The following RIMS3 variants were observed in gnomAD, a reference collection of about 807,000 sequenced individuals.
The protein encoded by RIMS3 is regulating synaptic membrane exocytosis protein 3.
RIMS3 carries 15 observed loss-of-function variants against 29.2 expected under a neutral mutation model. The ratio of observed to expected loss-of-function variants is 0.51; its 90% CI spans 0.34 to 0.79. RIMS3 has a LOEUF of 0.79. RIMS3 is among the 30% of genes least tolerant of loss of function. RIMS3 has a pLI of 0.01. For missense variants in RIMS3, 342 were observed against 421.4 expected, an observed-to-expected ratio of 0.81 and a Z score of 1.65; for synonymous variants, 161 against 170.1, an observed-to-expected ratio of 0.95 and a Z score of 0.41.
At chr1:40,666,594 T>G (rs1378187640), upstream of RIMS3, among the ~76,000 whole-genome samples, 1 of 152,196 alleles carries the variant, frequency 6.6e-6, no homozygotes, top group Admixed American at 6.5e-5. Flanking sequence ...ACTTGTATAT[T>G]TAACCTTGCT....
At chr1:40,682,643 T>A in the RIMS3 span, among the ~76,000 whole-genome samples, 1 of 152,036 alleles carries the variant, frequency 6.6e-6, no homozygotes, top group Non-Finnish European at 1.5e-5. Flanking sequence ...ATAGCTGGTT[T>A]GGATTTTAAA....
chr1:40,640,602 C>T (rs1361625894), intron 3 of RIMS3, among the ~76,000 whole-genome samples: 2 of 152,022 alleles, frequency 1.3e-5, no homozygotes, highest in African/African-American at 2.4e-5. Flanking sequence ...CAAAATAAGC[C>T]GGAAGAGATT....
At chr1:40,658,093 G>C (rs373194833) in intron 1 of RIMS3, among the ~76,000 whole-genome samples, 53 of 152,284 alleles carry the variant, frequency 3.5e-4, no homozygotes, top group Middle Eastern at 3.4e-3. Flanking sequence ...GGTCAAGAAT[G>C]AGTGACAGGG....
chr1:40,685,845 GAAAAA>G, the RIMS3 span, among the ~76,000 whole-genome samples: 1 of 141,008 alleles, frequency 7.1e-6, no homozygotes, highest in Non-Finnish European at 1.6e-5. Context: ...AACCTTTAAA[GAAAAA>G]AAAAAAAAGT....
chr1:40,634,011 C>T (rs1439764822), intron 4 of RIMS3, among the ~76,000 whole-genome samples: 1 of 152,130 alleles, frequency 6.6e-6, no homozygotes, highest in Admixed American at 6.5e-5. Context: ...CTGTTGTTAT[C>T]ATCAAGGGAA....
intron 3 of RIMS3, among the ~76,000 whole-genome samples, chr1:40,637,846 G>A (rs902810766): frequency 6.6e-6 from 1 of 152,268 alleles, no homozygotes; most frequent in Middle Eastern, 3.4e-3. Flanking sequence ...GCTGGTGTGT[G>A]GGGCCTCTCC....
chr1:40,669,630 G>T (rs1239117501), upstream of RIMS3: 3 of 152,388 alleles, frequency 2.0e-5, no homozygotes, highest in East Asian at 5.8e-4. Flanking sequence ...GAGTAGTGGG[G>T]TGGCACTTAC....
chr1:40,658,655 G>A (rs1642305335), intron 1 of RIMS3, among the ~76,000 whole-genome samples: 1 of 152,174 alleles, frequency 6.6e-6, no homozygotes, highest in African/African-American at 2.4e-5. Flanking sequence ...CTCTCCATGT[G>A]GCTGAAACCA....
rs1642409665 is a variant in RIMS3 at position 40,665,408 on chromosome 1, GGGGTCCAGACAGGGAGGGGGCCTC to G, written c.-245_-222del. ...TGCTGACTTACCCGGAGGTGGGGCC[GGGGTCCAGACAGGGAGGGGGCCTC>G]CACAGGCCGAGGCGGCTCCGCAAGG... On this transcript the variant is annotated 5_prime_UTR_variant, in exon 1 of 8. Coordinates refer to ENST00000372684, the MANE Select transcript of RIMS3 (RefSeq NM_014747.3). The G allele has an allele frequency of 6.6e-6, 1 of 152,410 alleles. No homozygotes were observed. The allele number at this position is 152,410 out of a possible 1,614,324, so 9.4% of individuals were successfully genotyped here. A position where few individuals can be genotyped will look rare whatever the true frequency, so the allele number is the denominator to read the frequency against.
At chr1:40,663,674 C>T (rs567974710) in intron 1 of RIMS3, among the ~76,000 whole-genome samples, 125 of 152,278 alleles carry the variant, frequency 8.2e-4, no homozygotes, top group Non-Finnish European at 1.4e-3. Flanking sequence ...GCAGTAAAAT[C>T]CAATTAAAGT....
At chr1:40,638,947 C>A (rs1443891454) in intron 3 of RIMS3, among the ~76,000 whole-genome samples, 2 of 152,168 alleles carry the variant, frequency 1.3e-5, no homozygotes, top group Admixed American at 6.5e-5. Context: ...CACTCTAGGG[C>A]AACAAGAGGA....
At chr1:40,643,035 A>G (rs929669038) in intron 2 of RIMS3, among the ~76,000 whole-genome samples, 2 of 152,186 alleles carry the variant, frequency 1.3e-5, no homozygotes, top group Admixed American at 1.3e-4. Context: ...ATTCCATTGT[A>G]TAGAAGTAGC....
At chr1:40,650,397 G>A (rs1401060907) in intron 1 of RIMS3, among the ~76,000 whole-genome samples, 2 of 152,184 alleles carry the variant, frequency 1.3e-5, no homozygotes, top group East Asian at 3.9e-4. Flanking sequence ...TCTCCTGCTT[G>A]ACAACCTCCC....
At chr1:40,660,090 C>T (rs1027759000) in intron 1 of RIMS3, among the ~76,000 whole-genome samples, 12 of 152,092 alleles carry the variant, frequency 7.9e-5, no homozygotes, top group Admixed American at 2.6e-4. Flanking sequence ...TGGTGGGCAG[C>T]GAGAGGGTCC....
At chr1:40,684,281 C>T in the RIMS3 span, among the ~76,000 whole-genome samples, 1 of 152,174 alleles carries the variant, frequency 6.6e-6, no homozygotes, top group Non-Finnish European at 1.5e-5. Flanking sequence ...ACTCTGTCTC[C>T]CTCTCTGTCT....
intron 4 of RIMS3, among the ~76,000 whole-genome samples, chr1:40,633,664 C>A (rs1320287589): frequency 6.6e-6 from 1 of 152,204 alleles, no homozygotes; most frequent in Non-Finnish European, 1.5e-5. Context: ...AACACAATTA[C>A]AGGGTTGAGG....
At chr1:40,639,553 C>A (rs963540190) in intron 3 of RIMS3, among the ~76,000 whole-genome samples, 2 of 148,224 alleles carry the variant, frequency 1.3e-5, no homozygotes, top group East Asian at 3.8e-4. Context: ...AGCTGGGTGC[C>A]TTTGCATACC....
rs77642398 is a variant in RIMS3, at chr1:40,662,349, C to T, written c.-207+3045G>A. 1.7e-3 allele frequency among the ~76,000 whole-genome samples: 254 copies of T among 152,222 alleles called. 4 individuals carry two copies. The East Asian group carries it at 0.044, about 27-fold the overall frequency. ...ACCCTTCATGACTCAGCTAAGATGT[C>T]GCCACCTCCAGGAACCTTTCCCAGA... On this transcript the variant is annotated intron_variant, in intron 1 of 7. Transcript: ENST00000372684.
rs770669469 is a variant in RIMS3, at chr1:40,629,340, C to T, written c.505G>A (p.Gly169Ser). 1 of 1,614,160 alleles carries T rather than the reference C, an allele frequency of 6.2e-7. No homozygotes were observed. The highest frequency in any genetic ancestry group is 1.1e-5 in the South Asian group (1 of 91,080). ...DVHIAIMDRS[G>S]QLEVEVIEAR... ...TCAATCACTTCCACCTCCAGCTGGC[C>T]ACTCCGGTCCATGATGGCAATGTGC... Residue 169 changes from glycine to serine, a missense_variant, in exon 6 of 8, where the codon GGC (glycine) becomes AGC (serine). By Grantham distance (56) the Gly-to-Ser change is moderately conservative. Coordinates refer to ENST00000372684, the MANE Select transcript of RIMS3 (RefSeq NM_014747.3).
Sources: allele counts gnomAD v4.1 joint callset (sites outside exome capture counted in the v4.1 genomes callset), GRCh38; gene constraint gnomAD v4.1.1; transcripts MANE v1.5; gene names NCBI Gene and HGNC (gene_info 2026-07-23, HGNC 2026-07-21).